The following CMPK1 variants were observed in gnomAD, a reference collection of about 807,000 sequenced individuals.
CMPK1 encodes the protein UMP-CMP kinase.
CMPK1 carries 10 observed loss-of-function variants against 25.7 expected under a neutral mutation model. That is an observed-to-expected ratio of 0.39 (90% confidence interval 0.24 to 0.66). The LOEUF (loss-of-function observed/expected upper bound fraction) is 0.66, where lower values mean the gene tolerates loss of function less well. Ranked by LOEUF, CMPK1 falls within the 30% of genes least tolerant of loss-of-function variation. The pLI is 0.48. For missense variants in CMPK1, 199 were observed against 280.5 expected (o/e 0.71, Z 2.08); for synonymous variants, 106 against 101.5 (o/e 1.04, Z -0.27).
At position 47,352,577 on chromosome 1, in the gene CMPK1, T is replaced by C. The variant is rs577051212; in HGVS notation, c.172-15892T>C. On this transcript the variant is annotated intron_variant, in intron 1 of 5. Transcript: ENST00000371873. ...TTCTTTGACCAGTTCAAGGGCATAATTGAGTTCAAGTTAATTAAATCAGAT... is the reference window on the plus strand; with the variant it reads ...TTCTTTGACCAGTTCAAGGGCATAACTGAGTTCAAGTTAATTAAATCAGAT... 2.6e-4 allele frequency among the ~76,000 whole-genome samples: 39 copies of C among 152,294 alleles called. 1 individual carries two copies. The highest frequency in any genetic ancestry group is 7.0e-4 in the African/African-American group (29 of 41,568).
At chr1:47,371,857 A>T (rs1646679669) in intron 2 of CMPK1, among the ~76,000 whole-genome samples, 1 of 152,186 alleles carries the variant, frequency 6.6e-6, no homozygotes, top group South Asian at 2.1e-4. Context: ...TCAACATGTC[A>T]GAGGCTGAGT....
chr1:47,370,790 A>AC (rs1646672975), intron 2 of CMPK1, among the ~76,000 whole-genome samples: 1 of 150,632 alleles, frequency 6.6e-6, no homozygotes, highest in African/African-American at 2.4e-5. Context: ...TACAAAAAAA[A>AC]AAAAAAAAAA....
At chr1:47,360,144 A>G (rs1352740831) in intron 1 of CMPK1, among the ~76,000 whole-genome samples, 2 of 152,202 alleles carry the variant, frequency 1.3e-5, no homozygotes, top group East Asian at 1.9e-4. Context: ...CCTATCCATT[A>G]ATGCTGGAAG....
At chr1:47,369,912 T>C (rs866714315) in intron 2 of CMPK1, among the ~76,000 whole-genome samples, 74 of 142,108 alleles carry the variant, frequency 5.2e-4, no homozygotes, top group African/African-American at 1.4e-3. Flanking sequence ...TCTCTCTCTT[T>C]TTTTTTTTTT....
chr1:47,363,120 A>G (rs992325249), intron 1 of CMPK1, among the ~76,000 whole-genome samples: 4 of 152,202 alleles, frequency 2.6e-5, no homozygotes, highest in African/African-American at 9.7e-5. Flanking sequence ...GTTGTGTCCC[A>G]GAAAACCCAT....
intron 1 of CMPK1, among the ~76,000 whole-genome samples, chr1:47,363,682 C>G (rs1474714567): frequency 6.6e-6 from 1 of 151,206 alleles, no homozygotes; most frequent in African/African-American, 2.4e-5. Context: ...CGGTGGCTCA[C>G]GCTTGTAATC....
chr1:47,358,669 G>A (rs113741662), intron 1 of CMPK1: 198 of 985,982 alleles, frequency 2.0e-4, no homozygotes, highest in Admixed American at 1.5e-3. Context: ...TGTTCTGAGT[G>A]TGTGATTTCA....
chr1:47,334,263 C>G (rs553776365), intron 1 of CMPK1, 147 bp downstream of exon 1: 1 of 714,954 alleles, frequency 1.4e-6, no homozygotes, highest in Non-Finnish European at 1.9e-6. Flanking sequence ...TGGCAGTGGC[C>G]GAGGGCCGCC....
intron 1 of CMPK1, among the ~76,000 whole-genome samples, chr1:47,360,826 A>G (rs1646596430): frequency 6.6e-6 from 1 of 152,188 alleles, no homozygotes; most frequent in African/African-American, 2.4e-5. Context: ...CAGGATGGCT[A>G]CATAGTAGAA....
chr1:47,338,253 A>G (rs905078782), intron 1 of CMPK1, among the ~76,000 whole-genome samples: 3 of 152,170 alleles, frequency 2.0e-5, no homozygotes, highest in Admixed American at 6.6e-5. Flanking sequence ...ACCCTTAGGG[A>G]TATCTTGCTC....
Position 47,373,049 on chromosome 1 carries a change from A to G in CMPK1, c.413A>G (p.Lys138Arg). ...CAAGACAACCTTCAAGGATGGAACA[A>G]GACCATGGATGGGAAGGCAGATGTA... ...RNQDNLQGWN[K>R]TMDGKADVSF... is the part of the protein sequence containing the mutation. Residue 138 changes from lysine (K) to arginine (R), a missense_variant, in exon 3 of 6, where the codon AAG (lysine) becomes AGG (arginine). By Grantham distance (26) the Lys-to-Arg change is conservative. Around this residue, in one of 2 missense-constraint regions of CMPK1, gnomAD observed 140 missense variants for 235.5 expected, o/e 0.59. Transcript: ENST00000371873. 6.2e-7 allele frequency: 1 copy of G among 1,612,570 alleles called. No individual in the cohort carries two copies. The highest frequency in any genetic ancestry group is 1.3e-5 in the African/African-American group (1 of 75,000).
chr1:47,364,364 C>T (rs1377998305), intron 1 of CMPK1, among the ~76,000 whole-genome samples: 1 of 152,060 alleles, frequency 6.6e-6, no homozygotes, highest in Non-Finnish European at 1.5e-5. Context: ...GTCACCCAGG[C>T]TGGCGTGCAG....
At chr1:47,370,959 A>T (rs201905455) in intron 2 of CMPK1, among the ~76,000 whole-genome samples, 1 of 149,246 alleles carries the variant, frequency 6.7e-6, no homozygotes, top group Non-Finnish European at 1.5e-5. Flanking sequence ...TCCGCCTCAA[A>T]AAATAAATAA....
chr1:47,358,543 T>C, intron 1 of CMPK1: 1 of 1,009,534 alleles, frequency 9.9e-7, no homozygotes, highest in Middle Eastern at 4.9e-4. Flanking sequence ...ATTATTTCTG[T>C]TTTATAAATA....
At chr1:47,364,608 T>C (rs970731743) in intron 1 of CMPK1, among the ~76,000 whole-genome samples, 1 of 149,636 alleles carries the variant, frequency 6.7e-6, no homozygotes, top group Non-Finnish European at 1.5e-5. Flanking sequence ...TGAGCCACCA[T>C]GCCCAGCCAT....
intron 1 of CMPK1, among the ~76,000 whole-genome samples, chr1:47,349,729 G>A (rs1316767030): frequency 1.3e-5 from 2 of 152,134 alleles, no homozygotes; most frequent in African/African-American, 2.4e-5. Context: ...TGCTATTAGG[G>A]CCAACTTTCT....
chr1:47,358,318 G>T, intron 1 of CMPK1: 2 of 658,860 alleles, frequency 3.0e-6, no homozygotes, highest in Non-Finnish European at 4.8e-6. Flanking sequence ...TTGCTATGGT[G>T]CATAGGCTGA....
chr1:47,334,696 C>T (rs550117236), intron 1 of CMPK1, among the ~76,000 whole-genome samples: 3 of 152,288 alleles, frequency 2.0e-5, no homozygotes, highest in South Asian at 4.1e-4. Flanking sequence ...CCCGTCCCCG[C>T]AAGCTTTAGG....
intron 1 of CMPK1, among the ~76,000 whole-genome samples, chr1:47,336,536 G>C (rs1016396650): frequency 5.9e-5 from 9 of 152,016 alleles, no homozygotes; most frequent in Admixed American, 2.6e-4. Context: ...GTTGTTGTTT[G>C]TTTTGAGATC....
Sources: gnomAD v4.1 joint callset for allele counts (sites outside exome capture counted in the v4.1 genomes callset) on GRCh38, gnomAD v4.1.1 for gene constraint, gnomAD v4.1.1 regional missense constraint, MANE v1.5 for transcripts, NCBI Gene and HGNC (gene_info 2026-07-23, HGNC 2026-07-21) for gene names.